DTNB: variants seen among roughly 807,000 people sequenced by gnomAD.
DTNB encodes dystrobrevin beta, also known as DTN-B.
DTNB carries 63 observed loss-of-function variants against 90.7 expected under a neutral mutation model. The observed-to-expected ratio is 0.69, with a 90% confidence interval of 0.57 to 0.86. The LOEUF is 0.86. DTNB is among the 40% of genes least tolerant of loss of function. DTNB has a pLI of 0.00. For missense variants in DTNB, 744 were observed against 807.1 expected (o/e 0.92, Z 0.95); for synonymous variants, 277 against 286.7 (o/e 0.97, Z 0.34).
chr2:25,646,682 C>T (rs1290361633), intron 2 of DTNB, among the ~76,000 whole-genome samples: 1 of 152,194 alleles, frequency 6.6e-6, no homozygotes, highest in Non-Finnish European at 1.5e-5. Context: ...AGGCCCCCCA[C>T]CTCATCCCTT....
At chr2:25,633,311 G>A (rs7593404) in intron 3 of DTNB, among the ~76,000 whole-genome samples, 67,574 of 151,100 alleles carry the variant, frequency 0.45, 16,284 homozygotes, top group East Asian at 0.77. Context: ...TTGCAGGCGC[G>A]CGCCGCCACG....
intron 4 of DTNB, among the ~76,000 whole-genome samples, chr2:25,609,525 G>A (rs1436120879): frequency 1.3e-5 from 2 of 151,628 alleles, no homozygotes; most frequent in Non-Finnish European, 2.9e-5. Context: ...TTGAACCCAG[G>A]AGGCGGAGGT....
intron 5 of DTNB, among the ~76,000 whole-genome samples, chr2:25,605,764 C>G (rs1016782246): frequency 2.0e-5 from 3 of 152,070 alleles, no homozygotes; most frequent in Non-Finnish European, 2.9e-5. Context: ...AAAAATTAGA[C>G]AAGACTACAA....
rs193241811 is a variant in DTNB, at chr2:25,572,824, T to A, written c.876+4014A>T. On this transcript the variant is annotated intron_variant, in intron 8 of 20. Transcript: ENST00000406818. ...GTGCCAGTAACCACACACAAAAAGT[T>A]CTTTCCTAAGACTAATGTAGTTCTT... Among the ~76,000 whole-genome samples, 42 of 152,292 alleles carry A rather than the reference T, an allele frequency of 2.8e-4. 1 individual carries two copies. Among genetic ancestry groups the A allele is most frequent in the Admixed American group, 2.4e-3 (36 of 15,300 alleles).
intron 6 of DTNB, among the ~76,000 whole-genome samples, chr2:25,583,265 ATAT>A (rs1559121226): frequency 1.4e-3 from 91 of 66,872 alleles, no homozygotes; most frequent in Admixed American, 3.8e-3. Flanking sequence ...AAAAAAAAAT[ATAT>A]ATATATATAT....
At chr2:25,423,224 G>A (rs992767419) in intron 15 of DTNB, among the ~76,000 whole-genome samples, 2 of 152,046 alleles carry the variant, frequency 1.3e-5, no homozygotes, top group African/African-American at 2.4e-5. Flanking sequence ...AACAAAGAAG[G>A]AGGGTCCTTG....
intron 8 of DTNB, among the ~76,000 whole-genome samples, chr2:25,564,405 G>A (rs934507427): frequency 6.6e-6 from 1 of 151,912 alleles, no homozygotes; most frequent in African/African-American, 2.4e-5. Flanking sequence ...TTTTGAGATG[G>A]AGTCTCTCTC....
At chr2:25,653,443 A>G (rs1451060024) in intron 1 of DTNB, among the ~76,000 whole-genome samples, 2 of 149,950 alleles carry the variant, frequency 1.3e-5, no homozygotes, top group African/African-American at 2.4e-5. Context: ...AAAAAAAAAA[A>G]AAAGAAAGAA....
chr2:25,467,317 G>A (rs1319671376), intron 10 of DTNB, among the ~76,000 whole-genome samples: 1 of 69,410 alleles, frequency 1.4e-5, no homozygotes, highest in African/African-American at 5.7e-5. Flanking sequence ...TTTTTTTTTT[G>A]AGACAGAGTC....
intron 4 of DTNB, among the ~76,000 whole-genome samples, chr2:25,611,300 C>T (rs895925303): frequency 2.6e-5 from 4 of 152,110 alleles, no homozygotes; most frequent in African/African-American, 4.8e-5. Context: ...ACTGCCTATA[C>T]TATAGGTACA....
chr2:25,614,017 T>C (rs2069460755), intron 4 of DTNB, among the ~76,000 whole-genome samples: 1 of 152,042 alleles, frequency 6.6e-6, no homozygotes, highest in Non-Finnish European at 1.5e-5. Flanking sequence ...CCCAAGAATA[T>C]AAGGCTATTT....
chr2:25,396,731 TAAAAAAAAAAAA>T (rs35592591), intron 16 of DTNB, among the ~76,000 whole-genome samples: 1 of 87,630 alleles, frequency 1.1e-5, no homozygotes, highest in African/African-American at 4.3e-5. Flanking sequence ...TAAAAGGAAC[TAAAAAAAAAAAA>T]AAAAAAAAAA....
At chr2:25,602,293 C>G (rs1049032523) in intron 5 of DTNB, among the ~76,000 whole-genome samples, 1 of 152,042 alleles carries the variant, frequency 6.6e-6, no homozygotes, top group Non-Finnish European at 1.5e-5. Context: ...TTTCCTTTTT[C>G]TTCTTTTTTT....
At chr2:25,483,217 T>C (rs2065359910) in intron 9 of DTNB, among the ~76,000 whole-genome samples, 1 of 152,232 alleles carries the variant, frequency 6.6e-6, no homozygotes, top group South Asian at 2.1e-4. Flanking sequence ...TTGGTGGCTT[T>C]TGCTTTGTAG....
At chr2:25,664,836 G>A (rs1436674954) in intron 1 of DTNB, among the ~76,000 whole-genome samples, 1 of 152,178 alleles carries the variant, frequency 6.6e-6, no homozygotes, top group Non-Finnish European at 1.5e-5. Flanking sequence ...TGACCATGAC[G>A]ATGCTAAAGC....
intron 1 of DTNB, among the ~76,000 whole-genome samples, chr2:25,669,431 T>C (rs181164601): frequency 1.3e-5 from 2 of 152,176 alleles, no homozygotes; most frequent in Admixed American, 6.5e-5. Flanking sequence ...TCTAAGAATA[T>C]ATCATTAACA....
chr2:25,441,172 C>T (rs891743038), intron 12 of DTNB, among the ~76,000 whole-genome samples: 1 of 152,196 alleles, frequency 6.6e-6, no homozygotes, highest in Non-Finnish European at 1.5e-5. Flanking sequence ...CCAGAGCAAG[C>T]CGAAACTTTC....
intron 1 of DTNB, among the ~76,000 whole-genome samples, chr2:25,669,883 C>T (rs968872616): frequency 1.3e-5 from 2 of 149,046 alleles, no homozygotes; most frequent in African/African-American, 2.5e-5. Context: ...CCAGTCTGGG[C>T]GACAGAGGAA....
Position 25,549,800 on chromosome 2 carries a change from AC to A in DTNB, c.877-18204del, listed in dbSNP as rs569479356. On this transcript the variant is annotated intron_variant, in intron 8 of 20. Coordinates refer to ENST00000406818, the MANE Select transcript of DTNB (RefSeq NM_021907.5). ...CTCAGCCTGCCAAGTAGCTGGGACTACAGGCATGCACAACCACACCCGGCTA... is the reference window on the plus strand; with the variant it reads ...CTCAGCCTGCCAAGTAGCTGGGACTAAGGCATGCACAACCACACCCGGCTA... Among the ~76,000 whole-genome samples, 18 of 152,128 alleles carry A rather than the reference AC, an allele frequency of 1.2e-4. No homozygotes were observed. The South Asian group carries it at 3.7e-3, about 32-fold the overall frequency.
Sources: allele counts gnomAD v4.1 joint callset (sites outside exome capture counted in the v4.1 genomes callset), GRCh38; gene constraint gnomAD v4.1.1; transcripts MANE v1.5; gene names NCBI Gene and HGNC (gene_info 2026-07-23, HGNC 2026-07-21).